Variants in DMXL2 observed in about 807,000 individuals in gnomAD.
DMXL2 encodes the protein dmX-like protein 2.
A neutral mutation model predicts 331.1 loss-of-function variants in DMXL2; 103 were observed. That is an observed-to-expected ratio of 0.31 (90% CI 0.27 to 0.37). The LOEUF is 0.37. Ranked by LOEUF, DMXL2 falls within the 10% of genes least tolerant of loss-of-function variation. The pLI is 1.00. For missense variants in DMXL2, 3,171 were observed against 3,642.9 expected (o/e 0.87, Z 3.33); for synonymous variants, 1,281 against 1,252.1 (o/e 1.02, Z -0.49).
intron 40 of DMXL2, chr15:51,454,004 C>T (rs1199115697): frequency 1.1e-5 from 2 of 187,662 alleles, no homozygotes; most frequent in Non-Finnish European, 2.2e-5. Context: ...GAAATGCTTA[C>T]AGACCCAACT....
chr15:51,545,376 C>T (rs1447373317), intron 8 of DMXL2, among the ~76,000 whole-genome samples: 1 of 152,016 alleles, frequency 6.6e-6, no homozygotes. Context: ...ATAATATTTA[C>T]CTATAAAACA....
Position 51,491,742 on chromosome 15 carries a change from A to G in DMXL2, c.4789T>C (p.Ser1597Pro). The stretch of plus-strand genomic sequence containing the variant: ...AAAGCCCAGGCAAAATGGCATGTAG[A>G]GACACCTAAATTGGAAATATAAAAT... ...YRVQLLHQGV[S>P]TCHFAWAFHS... The change falls in exon 20 of 44, where the codon TCT becomes CCT. Residue 1597 changes from serine to proline, a missense_variant. Ser to Pro is a moderately conservative substitution (Grantham distance 74). Around this residue, in one of 7 missense-constraint regions of DMXL2, gnomAD observed 252 missense variants for 387.4 expected, o/e 0.65. Coordinates refer to ENST00000560891, the MANE Select transcript of DMXL2 (RefSeq NM_001378457.1). 1.3e-6 allele frequency: 2 copies of G among 1,592,290 alleles called. No individual in the cohort carries two copies. Among genetic ancestry groups the G allele is most frequent in the Non-Finnish European group, 1.7e-6 (2 of 1,174,144 alleles).
intron 19 of DMXL2, among the ~76,000 whole-genome samples, chr15:51,494,255 T>G (rs913015397): frequency 6.6e-6 from 1 of 152,222 alleles, no homozygotes; most frequent in South Asian, 2.1e-4. Flanking sequence ...AGTTATGTTT[T>G]CAAAGAACAT....
intron 1 of DMXL2, among the ~76,000 whole-genome samples, chr15:51,620,487 TAA>T (rs1315269769): frequency 1.3e-5 from 2 of 152,190 alleles, no homozygotes; most frequent in Non-Finnish European, 2.9e-5. Context: ...TAATTAAAAA[TAA>T]AGTCAAAGAT....
intron 23 of DMXL2, among the ~76,000 whole-genome samples, chr15:51,485,518 C>T (rs2042329543): frequency 6.6e-6 from 1 of 152,188 alleles, no homozygotes; most frequent in Admixed American, 6.5e-5. Context: ...GTGCATCTTA[C>T]TTTTTTTCAC....
intron 5 of DMXL2, 118 bp from the exon 6 acceptor site, chr15:51,563,565 T>C (rs2050096589): frequency 1.7e-6 from 1 of 573,470 alleles, no homozygotes; most frequent in African/African-American, 2.0e-5. Context: ...AAGACTGTTT[T>C]TGCTTCCCTA....
At chr15:51,458,433 C>T (rs2039837815) in intron 36 of DMXL2, 73 bp downstream of exon 36, 2 of 1,501,004 alleles carry the variant, frequency 1.3e-6, no homozygotes, top group Non-Finnish European at 9.1e-7. Context: ...TGAAATAATT[C>T]AAATCATGTG....
chr15:51,573,574 T>C (rs2050812529), intron 2 of DMXL2, among the ~76,000 whole-genome samples: 2 of 152,258 alleles, frequency 1.3e-5, no homozygotes, highest in Admixed American at 6.5e-5. Context: ...GAAACCATTA[T>C]TCTCTGCAAA....
At chr15:51,504,085 C>T (rs187765794) in intron 16 of DMXL2, among the ~76,000 whole-genome samples, 136 of 152,220 alleles carry the variant, frequency 8.9e-4, no homozygotes, top group African/African-American at 2.5e-3. Context: ...AATTTGTTAA[C>T]ATGCAAATTC....
At chr15:51,458,978 A>G (rs939263791) in intron 34 of DMXL2, 183 bp from the exon 35 acceptor site, 2 of 584,086 alleles carry the variant, frequency 3.4e-6, no homozygotes, top group Non-Finnish European at 6.0e-6. Context: ...AAATTTGCTT[A>G]AATTCTCTGA....
intron 6 of DMXL2, among the ~76,000 whole-genome samples, chr15:51,552,884 G>A (rs1352716654): frequency 6.6e-6 from 1 of 152,132 alleles, no homozygotes; most frequent in Admixed American, 6.6e-5. Flanking sequence ...CTCAAACTTT[G>A]GTCTAACCAC....
At chr15:51,471,460 G>C (rs2041103960) in intron 28 of DMXL2, 59 bp from the exon 29 acceptor site, 1 of 1,465,488 alleles carries the variant, frequency 6.8e-7, no homozygotes, top group Non-Finnish European at 9.3e-7. Flanking sequence ...TTAATTGATA[G>C]AGTTAAGCTT....
intron 13 of DMXL2, among the ~76,000 whole-genome samples, chr15:51,521,411 T>A (rs2047355171): frequency 7.3e-6 from 1 of 136,780 alleles, no homozygotes; most frequent in African/African-American, 2.7e-5. Flanking sequence ...AGATAAAAGT[T>A]TGCTAGTAGT....
At chr15:51,601,752 G>A (rs1262184792) in intron 1 of DMXL2, among the ~76,000 whole-genome samples, 1 of 152,026 alleles carries the variant, frequency 6.6e-6, no homozygotes, top group Non-Finnish European at 1.5e-5. Context: ...TAAAATTTTA[G>A]CATCATTCTA....
At chr15:51,491,440 TC>T in intron 20 of DMXL2, 137 bp downstream of exon 20, 1 of 758,122 alleles carries the variant, frequency 1.3e-6, no homozygotes, top group Non-Finnish European at 2.0e-6. Flanking sequence ...AAATTCCATC[TC>T]CAAAAAAAAA....
At position 51,458,410 on chromosome 15, in the gene DMXL2, C is replaced by T. The variant is rs79673953; in HGVS notation, c.8198+96G>A. 3,275 of 1,339,022 alleles carry T rather than the reference C, an allele frequency of 2.4e-3. 82 individuals are homozygous for T. The East Asian group carries it at 0.055, about 22-fold the overall frequency. The allele number at this position is 1,339,022 out of a possible 1,614,324, so 82.9% of individuals were successfully genotyped here. On this transcript the variant is annotated intron_variant, in intron 36 of 43. Transcript: ENST00000560891. ...GTCACCTACCCAAATGAAGGAGATA[C>T]ACGTATACCTTTTGAAATAATTCAA...
At chr15:51,588,130 T>A (rs1204125451) in intron 1 of DMXL2, among the ~76,000 whole-genome samples, 1 of 151,680 alleles carries the variant, frequency 6.6e-6, no homozygotes, top group Non-Finnish European at 1.5e-5. Context: ...GCCTGTTCAC[T>A]CTGATGGTGA....
chr15:51,454,843 T>C (rs1050504235), intron 40 of DMXL2, among the ~76,000 whole-genome samples: 2 of 152,104 alleles, frequency 1.3e-5, no homozygotes, highest in African/African-American at 4.8e-5. Flanking sequence ...ATTAAGAAGA[T>C]AGAGTTTTCA....
chr15:51,453,669 T>C, intron 40 of DMXL2, 28 bp from the exon 41 acceptor site: 1 of 1,580,514 alleles, frequency 6.3e-7, no homozygotes, highest in East Asian at 2.2e-5. Context: ...CAACTGATGT[T>C]ATTTTACCAT....
Sources: allele counts gnomAD v4.1 joint callset (sites outside exome capture counted in the v4.1 genomes callset), GRCh38; gene constraint gnomAD v4.1.1; regional missense constraint gnomAD v4.1.1; transcripts MANE v1.5; gene names NCBI Gene and HGNC (gene_info 2026-07-23, HGNC 2026-07-21).